Variants in CCBE1 observed in about 807,000 individuals in gnomAD.
CCBE1 encodes collagen and calcium-binding EGF domain-containing protein 1.
Under a neutral mutation model 50.0 loss-of-function variants are expected in CCBE1, and 37 were observed. The observed-to-expected ratio is 0.74, with a 90% confidence interval of 0.57 to 0.97. CCBE1 has a LOEUF of 0.97. CCBE1 is among the 50% of genes least tolerant of loss of function. CCBE1 has a pLI of 0.00. For missense variants in CCBE1, 538 were observed against 523.8 expected (o/e 1.03, Z -0.26); for synonymous variants, 234 against 203.7 (o/e 1.15, Z -1.27).
intron 10 of CCBE1, 117 bp downstream of exon 10, chr18:59,437,994 G>T: frequency 1.2e-6 from 1 of 861,996 alleles, no homozygotes. Context: ...CTGTTCAGGT[G>T]GGCTGAGTGG....
At chr18:59,627,861 A>G (rs1250075154) in intron 2 of CCBE1, among the ~76,000 whole-genome samples, 1 of 152,182 alleles carries the variant, frequency 6.6e-6, no homozygotes, top group Non-Finnish European at 1.5e-5. Context: ...AGTTTGTTAC[A>G]GCAAACCTAG....
rs1244690184 is a variant in CCBE1 at position 59,602,075 on chromosome 18, C to T, written c.212+94554G>A. On this transcript the variant is annotated intron_variant, in intron 2 of 10. Transcript: ENST00000439986. ...GATCCACCTCAATTCAAGTGCCCAT[C>T]ATTTGCAAGAGACCATTTGTTATTA... Among the ~76,000 whole-genome samples, 3 of 149,446 alleles carry T rather than the reference C, an allele frequency of 2.0e-5. No individual in the cohort carries two copies. The East Asian group carries it at 5.8e-4, about 29-fold the overall frequency.
chr18:59,579,536 T>A (rs2053052708), intron 2 of CCBE1, among the ~76,000 whole-genome samples: 1 of 152,218 alleles, frequency 6.6e-6, no homozygotes, highest in South Asian at 2.1e-4. Context: ...ATTATTCTGG[T>A]TCCAACCAAG....
chr18:59,570,536 C>T (rs1046506279), intron 2 of CCBE1, among the ~76,000 whole-genome samples: 1 of 152,192 alleles, frequency 6.6e-6, no homozygotes, highest in Non-Finnish European at 1.5e-5. Flanking sequence ...TTGGATTTGA[C>T]GTAAGCTCCA....
chr18:59,685,543 C>T (rs2054643338), intron 2 of CCBE1, among the ~76,000 whole-genome samples: 1 of 152,210 alleles, frequency 6.6e-6, no homozygotes, highest in Admixed American at 6.5e-5. Context: ...CTTATGCTTT[C>T]TCCTCAAGTT....
intron 2 of CCBE1, among the ~76,000 whole-genome samples, chr18:59,505,608 G>A (rs1028488586): frequency 6.6e-6 from 1 of 152,192 alleles, no homozygotes; most frequent in East Asian, 1.9e-4. Context: ...TTTTCTTACT[G>A]TGTTACACAA....
chr18:59,563,997 G>A (rs913997318), intron 2 of CCBE1: 2 of 152,170 alleles, frequency 1.3e-5, no homozygotes, highest in African/African-American at 4.8e-5. Context: ...CCTATGCTGA[G>A]TAGAAAGTTC....
chr18:59,555,723 C>T (rs922820921), intron 2 of CCBE1, among the ~76,000 whole-genome samples: 1 of 151,938 alleles, frequency 6.6e-6, no homozygotes, highest in Admixed American at 6.6e-5. Flanking sequence ...AAGAAACAGA[C>T]CGATTCCATT....
intron 2 of CCBE1, among the ~76,000 whole-genome samples, chr18:59,674,663 G>T (rs186748326): frequency 3.3e-5 from 5 of 152,260 alleles, no homozygotes; most frequent in Admixed American, 3.3e-4. Context: ...GAACATATTT[G>T]AGCACAACCA....
chr18:59,568,038 T>C (rs989110715), intron 2 of CCBE1, among the ~76,000 whole-genome samples: 21 of 152,320 alleles, frequency 1.4e-4, no homozygotes, highest in African/African-American at 4.8e-4. Flanking sequence ...CGAATTCATA[T>C]AGAGAGAACC....
chr18:59,450,670 G>A lies in CCBE1; in HGVS notation c.655-2567C>T, dbSNP rs539249967. 3.3e-5 allele frequency among the ~76,000 whole-genome samples: 5 copies of A among 152,310 alleles called. No individual in the cohort carries two copies. The East Asian group carries it at 9.6e-4, about 29-fold the overall frequency. ...TGCCTCAGCCTCCCGAGTAGATGGA[G>A]ATTACAGGCTCCCGCCACCACACCC... On this transcript the variant is annotated intron_variant, in intron 6 of 10. Transcript: ENST00000439986.
intron 2 of CCBE1, among the ~76,000 whole-genome samples, chr18:59,614,593 G>A (rs758067456): frequency 5.3e-5 from 8 of 152,148 alleles, no homozygotes; most frequent in African/African-American, 9.7e-5. Context: ...ATGCTATGGC[G>A]GCTAGTCAAT....
At position 59,638,722 on chromosome 18, in the gene CCBE1, A is replaced by C. The variant is rs187261053; in HGVS notation, c.212+57907T>G. Among the ~76,000 whole-genome samples, 23 of 152,366 alleles carry C rather than the reference A, an allele frequency of 1.5e-4. No homozygotes were observed. In the East Asian group the frequency reaches 4.2e-3, roughly 28 times the overall value. ...TCACAGGCTACCAAAACACACACAC[A>C]TAGCCCAGATCTTAAATTAATTCAC... On this transcript the variant is annotated intron_variant, in intron 2 of 10. Transcript: ENST00000439986.
intron 2 of CCBE1, among the ~76,000 whole-genome samples, chr18:59,691,042 G>C (rs1403676474): frequency 6.6e-6 from 1 of 152,206 alleles, no homozygotes; most frequent in Non-Finnish European, 1.5e-5. Context: ...GTTAATCTCT[G>C]GTTTTTAGAA....
At chr18:59,599,768 G>A (rs2053406079) in intron 2 of CCBE1, among the ~76,000 whole-genome samples, 1 of 152,160 alleles carries the variant, frequency 6.6e-6, no homozygotes, top group African/African-American at 2.4e-5. Context: ...ACACATAGCT[G>A]GGGGTCTATG....
chr18:59,692,443 A>C lies in CCBE1; in HGVS notation c.212+4186T>G, dbSNP rs143282583. Among the ~76,000 whole-genome samples the C allele has an allele frequency of 1.6e-3, 242 of 152,234 alleles. 4 individuals are homozygous for C. The highest frequency in any genetic ancestry group is 2.3e-3 in the East Asian group (12 of 5,184). On this transcript the variant is annotated intron_variant, in intron 2 of 10. Coordinates refer to ENST00000439986, the MANE Select transcript of CCBE1 (RefSeq NM_133459.4). Reference sequence around the variant, plus strand: ...AGCTGGGATTCACACTGGAGCAAAGAGTTTATATTATTTTATATGTGTTTT... The same window carrying C: ...AGCTGGGATTCACACTGGAGCAAAGCGTTTATATTATTTTATATGTGTTTT...
intron 2 of CCBE1, among the ~76,000 whole-genome samples, chr18:59,625,845 G>C (rs1262927927): frequency 6.6e-6 from 1 of 152,168 alleles, no homozygotes; most frequent in Non-Finnish European, 1.5e-5. Context: ...CATCATGAAT[G>C]ATTAGTAACT....
intron 2 of CCBE1, among the ~76,000 whole-genome samples, chr18:59,644,088 G>A (rs372911718): frequency 2.6e-5 from 4 of 152,270 alleles, no homozygotes; most frequent in African/African-American, 9.6e-5. Flanking sequence ...GGAGGCCCAG[G>A]GGGACAGTTT....
intron 2 of CCBE1, among the ~76,000 whole-genome samples, chr18:59,647,827 T>C (rs1214439470): frequency 6.6e-6 from 1 of 152,246 alleles, no homozygotes; most frequent in Non-Finnish European, 1.5e-5. Flanking sequence ...CTTTCAACTT[T>C]AGAGTTTTGA....
Sources: allele counts gnomAD v4.1 joint callset (sites outside exome capture counted in the v4.1 genomes callset), GRCh38; gene constraint gnomAD v4.1.1; transcripts MANE v1.5; gene names NCBI Gene and HGNC (gene_info 2026-07-23, HGNC 2026-07-21).